The following DDX42 variants were observed in gnomAD, a reference collection of about 807,000 sequenced individuals.
DDX42 encodes the protein DEAD-box helicase 42.
A neutral mutation model predicts 101.5 loss-of-function variants in DDX42; 22 were observed. The ratio of observed to expected loss-of-function variants is 0.22; its 90% CI spans 0.15 to 0.31. The LOEUF is 0.31. DDX42 is among the 10% of genes least tolerant of loss of function. The pLI is 1.00. For missense variants in DDX42, 849 were observed against 1,199.9 expected (o/e 0.71, Z 4.32); for synonymous variants, 402 against 401.2 (o/e 1.00, Z -0.02).
chr17:63,777,452 T>G (rs1479054989), intron 1 of DDX42, among the ~76,000 whole-genome samples: 1 of 146,080 alleles, frequency 6.8e-6, no homozygotes. Flanking sequence ...TTTTCTTTCT[T>G]TTTTTTTTTT....
chr17:63,815,290 T>TA (rs1311785472), intron 15 of DDX42, among the ~76,000 whole-genome samples: 5 of 152,236 alleles, frequency 3.3e-5, no homozygotes, highest in Non-Finnish European at 5.9e-5. Flanking sequence ...GTTTGAAGCT[T>TA]ACCTGAACAA....
chr17:63,788,980 G>A (rs767646439), intron 2 of DDX42, among the ~76,000 whole-genome samples: 18 of 151,740 alleles, frequency 1.2e-4, no homozygotes, highest in African/African-American at 1.2e-4. Context: ...CTGCAGTCTC[G>A]ACCTCCCAGG....
At position 63,813,449 on chromosome 17, in the gene DDX42, A is replaced by G. The variant is rs749778858; in HGVS notation, c.1897A>G (p.Met633Val). 8.1e-6 allele frequency: 13 copies of G among 1,613,742 alleles called. No individual in the cohort carries two copies. Among genetic ancestry groups the G allele is most frequent in the East Asian group, 4.5e-5 (2 of 44,892 alleles). Residue 633 changes from methionine (M) to valine (V), a missense_variant, in exon 15 of 18, where the codon ATG (methionine) becomes GTG (valine). This residue lies in a region of DDX42 where 86 missense variants were observed against 160.8 expected (regional missense o/e 0.53). Coordinates refer to ENST00000389924, the MANE Select transcript of DDX42 (RefSeq NM_203499.3). The part of the protein sequence containing the change: ...HVSKELLDLA[M>V]QNAWFRKSRF... ...TTCTAAGGAACTCCTAGATCTGGCA[A>G]TGCAGGTGAGGGGCTGGGCACACTT... is the stretch of plus-strand genomic sequence containing the variant.
intron 1 of DDX42, among the ~76,000 whole-genome samples, chr17:63,783,162 C>T (rs933180655): frequency 1.3e-5 from 2 of 152,122 alleles, no homozygotes; most frequent in Non-Finnish European, 2.9e-5. Context: ...TCTGTTAGAA[C>T]GCATCATGTT....
intron 2 of DDX42, among the ~76,000 whole-genome samples, chr17:63,791,282 AAAT>A (rs1567733891): frequency 6.6e-6 from 1 of 152,116 alleles, no homozygotes; most frequent in African/African-American, 2.4e-5. Flanking sequence ...GTAGTATCTT[AAAT>A]TATTTTGGAT....
At chr17:63,813,022 T>C (rs2039931428) in intron 14 of DDX42, among the ~76,000 whole-genome samples, 1 of 152,140 alleles carries the variant, frequency 6.6e-6, no homozygotes, top group African/African-American at 2.4e-5. Context: ...AGACTCCGTC[T>C]CTAAAAAATA....
At chr17:63,777,135 G>C (rs752722665) in intron 1 of DDX42, among the ~76,000 whole-genome samples, 1 of 151,910 alleles carries the variant, frequency 6.6e-6, no homozygotes, top group Non-Finnish European at 1.5e-5. Flanking sequence ...TCTCAAACTC[G>C]TGGCCTTAAG....
intron 1 of DDX42, among the ~76,000 whole-genome samples, chr17:63,780,150 G>T (rs1293983504): frequency 6.6e-6 from 1 of 152,106 alleles, no homozygotes; most frequent in African/African-American, 2.4e-5. Context: ...TACAAAATTA[G>T]CCAGGCGTGG....
rs1567732940 is a variant in DDX42, at chr17:63,789,552, TGTTTTTG to T, written c.221+2283_221+2289del. 1.3e-4 allele frequency among the ~76,000 whole-genome samples: 3 copies of T among 22,792 alleles called. 1 individual carries two copies. The highest frequency in any genetic ancestry group is 8.7e-4 in the African/African-American group (3 of 3,454). 15.0% of individuals were successfully genotyped at this position (22,792 alleles called of 152,430 possible). ...AAAAAAAGCTTCTAAAAGACTTTTT[TGTTTTTG>T]TTTTTGTTTTTGTTTTTTTTTTTTT... On this transcript the variant is annotated intron_variant, in intron 2 of 17. Coordinates refer to ENST00000389924, the MANE Select transcript of DDX42 (RefSeq NM_203499.3).
chr17:63,792,200 T>C (rs2039636581), intron 2 of DDX42, among the ~76,000 whole-genome samples: 1 of 152,162 alleles, frequency 6.6e-6, no homozygotes, highest in Non-Finnish European at 1.5e-5. Flanking sequence ...ATGGAGAATC[T>C]CTTGTGATTA....
chr17:63,795,516 T>C (rs542657073), intron 3 of DDX42, among the ~76,000 whole-genome samples: 15 of 74,954 alleles, frequency 2.0e-4, no homozygotes, highest in African/African-American at 2.0e-3. Flanking sequence ...CACACTTGGC[T>C]AATTTTTAGA....
At chr17:63,792,614 G>A (rs2039641998) in intron 3 of DDX42, 52 bp downstream of exon 3, 4 of 1,524,706 alleles carry the variant, frequency 2.6e-6, no homozygotes, top group Non-Finnish European at 3.5e-6. Context: ...AATAGATCAA[G>A]TTAACTTAGT....
At chr17:63,813,476 C>A (rs767235219) in intron 15 of DDX42, 22 bp downstream of exon 15, 5 of 1,599,778 alleles carry the variant, frequency 3.1e-6, no homozygotes, top group Non-Finnish European at 4.3e-6. Flanking sequence ...GGCACACTTT[C>A]AATTGCTCCT....
Position 63,783,953 on chromosome 17 carries a change from A to G in DDX42, c.-16-3081A>G, listed in dbSNP as rs375667429. Reference sequence around the variant, plus strand: ...GTGGCACACGCCTGTAATCCCAGCTACTCGGGAGGCTGAGACAGGATAATC... The same window carrying G: ...GTGGCACACGCCTGTAATCCCAGCTGCTCGGGAGGCTGAGACAGGATAATC... On this transcript the variant is annotated intron_variant, in intron 1 of 17. Coordinates refer to ENST00000389924, the MANE Select transcript of DDX42 (RefSeq NM_203499.3). 3.9e-5 allele frequency among the ~76,000 whole-genome samples: 6 copies of G among 152,160 alleles called. No homozygotes were observed. In the East Asian group the frequency reaches 1.2e-3, roughly 29 times the overall value.
chr17:63,777,727 C>T (rs1403889803), intron 1 of DDX42, among the ~76,000 whole-genome samples: 8 of 151,196 alleles, frequency 5.3e-5, no homozygotes, highest in African/African-American at 1.9e-4. Context: ...AGATTACAGG[C>T]GTGAGCCACC....
chr17:63,812,066 T>G lies in DDX42; in HGVS notation c.1533T>G (p.Ala511=). ...TCTTTGTTACTAAAAAAGCCAATGCTGAAGAGCTAGCGAATAACCTTAAAC... is the reference window on the plus strand; with the variant it reads ...TCTTTGTTACTAAAAAAGCCAATGCGGAAGAGCTAGCGAATAACCTTAAAC... ...VLLFVTKKAN[A]EELANNLKQE... The change falls in exon 14 of 18, where the codon GCT becomes GCG. Residue 511 remains alanine (A), a synonymous_variant. Coordinates refer to ENST00000389924, the MANE Select transcript of DDX42 (RefSeq NM_203499.3). 1 of 1,614,196 alleles carries G rather than the reference T, an allele frequency of 6.2e-7. No homozygotes were observed. Among genetic ancestry groups the G allele is most frequent in the Non-Finnish European group, 8.5e-7 (1 of 1,180,026 alleles).
rs58211962 is a variant in DDX42 at position 63,814,675 on chromosome 17, C to CTTTTT, written c.1903-869_1903-865dup. 1.3e-3 allele frequency among the ~76,000 whole-genome samples: 118 copies of CTTTTT among 90,462 alleles called. 2 individuals carry two copies. Among genetic ancestry groups the CTTTTT allele is most frequent in the East Asian group, 2.5e-3 (7 of 2,850 alleles). 59.3% of individuals were successfully genotyped at this position (90,462 alleles called of 152,430 possible). ...ACTTTAACCTTCCCAGAGACATTTG[C>CTTTTT]TTTTTTTTTTTTTTTTTTTTTTTCT... On this transcript the variant is annotated intron_variant, in intron 15 of 17. Coordinates refer to ENST00000389924, the MANE Select transcript of DDX42 (RefSeq NM_203499.3).
chr17:63,779,824 T>C (rs1337657881), intron 1 of DDX42, among the ~76,000 whole-genome samples: 2 of 152,004 alleles, frequency 1.3e-5, no homozygotes, highest in African/African-American at 2.4e-5. Context: ...CCTCAAGCCA[T>C]CCTCCTGCTT....
At chr17:63,804,676 C>G (rs879867539) in intron 6 of DDX42, among the ~76,000 whole-genome samples, 1 of 152,096 alleles carries the variant, frequency 6.6e-6, no homozygotes, top group African/African-American at 2.4e-5. Context: ...TTAAGAGTCT[C>G]TTTAGGAAGT....
Sources: allele counts gnomAD v4.1 joint callset (sites outside exome capture counted in the v4.1 genomes callset), GRCh38; gene constraint gnomAD v4.1.1; regional missense constraint gnomAD v4.1.1; transcripts MANE v1.5; gene names NCBI Gene and HGNC (gene_info 2026-07-23, HGNC 2026-07-21).